CPT1A: variants seen among roughly 807,000 people sequenced by gnomAD.
The protein encoded by CPT1A is carnitine O-palmitoyltransferase 1, liver isoform.
CPT1A carries 64 observed loss-of-function variants against 100.8 expected under a neutral mutation model. The ratio of observed to expected loss-of-function variants is 0.63; its 90% CI spans 0.52 to 0.78. The LOEUF is 0.78. Among genes scored for constraint, CPT1A ranks in the 30% least tolerant of loss-of-function variants. The pLI, the probability that CPT1A is intolerant of heterozygous loss-of-function variation, is 0.00. For synonymous variants in CPT1A, 363 were observed against 396.0 expected (o/e 0.92, Z 0.99); for missense variants, 802 against 1,034.1 (o/e 0.78, Z 3.08).
chr11:68,828,348 G>A (rs1282255940), intron 1 of CPT1A, among the ~76,000 whole-genome samples: 2 of 152,188 alleles, frequency 1.3e-5, no homozygotes, highest in Non-Finnish European at 1.5e-5. Context: ...TGTTCCTTCC[G>A]CTTCTGTGTG....
intron 10 of CPT1A, among the ~76,000 whole-genome samples, chr11:68,783,145 C>T (rs2924680): frequency 1.4e-3 from 207 of 152,220 alleles, no homozygotes; most frequent in African/African-American, 4.5e-3. Flanking sequence ...TCCTCCATCC[C>T]GCTCCTGCTC....
At chr11:68,796,831 C>G in intron 7 of CPT1A, 25 bp downstream of exon 7, 1 of 1,611,768 alleles carries the variant, frequency 6.2e-7, no homozygotes, top group East Asian at 2.2e-5. Flanking sequence ...CCTCGTCAGA[C>G]AGCAGCCCGG....
Position 68,812,476 on chromosome 11 carries a change from A to G in CPT1A, c.242T>C (p.Leu81Ser). 6.2e-7 allele frequency: 1 copy of G among 1,614,210 alleles called. No homozygotes were observed. The highest frequency in any genetic ancestry group is 8.5e-7 in the Non-Finnish European group (1 of 1,180,044). ...CCGATTGATTTTTGCAATTATTCCT[A>G]ACGAGGGGTCGATCTTGGCGTACAT... ...TTMYAKIDPS[L>S]GIIAKINRTL... Residue 81 changes from leucine to serine, a missense_variant, in exon 3 of 19, where the codon TTA becomes TCA. Coordinates refer to ENST00000265641, the MANE Select transcript of CPT1A (RefSeq NM_001876.4).
chr11:68,799,349 G>A lies in CPT1A; in HGVS notation c.562C>T (p.Gln188Ter). 2 of 1,613,612 alleles carry A rather than the reference G, an allele frequency of 1.2e-6. No homozygotes were observed. Among genetic ancestry groups the A allele is most frequent in the Non-Finnish European group, 1.7e-6 (2 of 1,179,794 alleles). The change falls in exon 6 of 19, where the codon CAG (glutamine) becomes TAG (stop). Residue 188 changes from glutamine (Q) to a stop codon, truncating the protein, a stop_gained. Coordinates refer to ENST00000265641, the MANE Select transcript of CPT1A (RefSeq NM_001876.4). LOFTEE classifies it high-confidence loss of function. Reference protein sequence around the residue: ...AVKDTVNRYLQSVRPLMKEED... With the variant: ...AVKDTVNRYL ...TCCTTCATAAGAGGCCTCACCGACT[G>A]TAGATACTGGGATTATTGGGGGAAA... is the stretch of plus-strand genomic sequence containing the variant.
At chr11:68,776,643 C>G (rs2153997241) in intron 12 of CPT1A, among the ~76,000 whole-genome samples, 1 of 152,264 alleles carries the variant, frequency 6.6e-6, no homozygotes, top group East Asian at 1.9e-4. Context: ...CTTTGGGAGG[C>G]CAAGGCGGGT....
intron 9 of CPT1A, among the ~76,000 whole-genome samples, chr11:68,790,938 C>T (rs914317626): frequency 1.3e-5 from 2 of 152,148 alleles, no homozygotes; most frequent in African/African-American, 4.8e-5. Context: ...ATCCTCCTAC[C>T]TCTGCCTCCT....
rs779893091 is a variant in CPT1A at position 68,796,900 on chromosome 11, G to T, written c.727C>A (p.Arg243=). The change falls in exon 7 of 19, where the codon CGA becomes AGA. Residue 243 remains arginine (R), a synonymous_variant. Coordinates refer to ENST00000265641, the MANE Select transcript of CPT1A (RefSeq NM_001876.4). ...TTCACCATGAGCGGCCCTCGTCCTC[G>T]GAGGTAGATGTACTCCTCCCACCAG... The part of the protein sequence containing the change: ...SDWWEEYIYL[R]GRGPLMVNSN... The T allele has an allele frequency of 6.2e-7, 1 of 1,614,056 alleles. No individual in the cohort carries two copies. Among genetic ancestry groups the T allele is most frequent in the African/African-American group, 1.3e-5 (1 of 75,024 alleles).
chr11:68,820,432 C>T (rs1856551792), intron 1 of CPT1A, among the ~76,000 whole-genome samples: 2 of 151,954 alleles, frequency 1.3e-5, no homozygotes, highest in Non-Finnish European at 2.9e-5. Flanking sequence ...CCTGTAATCC[C>T]AGCACTTTGG....
At chr11:68,762,107 T>C (rs1395372036) in intron 15 of CPT1A, among the ~76,000 whole-genome samples, 2 of 152,196 alleles carry the variant, frequency 1.3e-5, no homozygotes, top group Non-Finnish European at 2.9e-5. Context: ...GCTGAATTCA[T>C]CTAGGCCTCT....
intron 2 of CPT1A, among the ~76,000 whole-genome samples, chr11:68,815,099 G>A (rs891201900): frequency 1.9e-4 from 29 of 152,054 alleles, no homozygotes; most frequent in African/African-American, 7.0e-4. Context: ...TTTAAGCCTC[G>A]ATTTCCCAGC....
chr11:68,812,600 G>A (rs1333381383), intron 2 of CPT1A, 24 bp from the exon 3 acceptor site: 10 of 1,613,836 alleles, frequency 6.2e-6, no homozygotes, highest in Non-Finnish European at 8.5e-6. Flanking sequence ...CCCGGGCCGT[G>A]AGCGGTGTCC....
intron 9 of CPT1A, among the ~76,000 whole-genome samples, chr11:68,790,091 G>C (rs1459688501): frequency 6.6e-6 from 1 of 151,724 alleles, no homozygotes; most frequent in Non-Finnish European, 1.5e-5. Flanking sequence ...TTTTGAGACA[G>C]GGTCTCATTC....
At chr11:68,824,202 C>T (rs991368310) in intron 1 of CPT1A, among the ~76,000 whole-genome samples, 2 of 145,652 alleles carry the variant, frequency 1.4e-5, no homozygotes, top group African/African-American at 5.1e-5. Flanking sequence ...GAGCTGAGAT[C>T]GGGCCACTGC....
intron 12 of CPT1A, among the ~76,000 whole-genome samples, chr11:68,778,632 G>C (rs561528603): frequency 6.6e-6 from 1 of 151,584 alleles, no homozygotes; most frequent in African/African-American, 2.4e-5. Flanking sequence ...GGAGGCAGAG[G>C]TGGCAGTGAG....
chr11:68,831,985 T>C (rs1156252537), intron 1 of CPT1A, among the ~76,000 whole-genome samples: 2 of 152,146 alleles, frequency 1.3e-5, no homozygotes, highest in Non-Finnish European at 2.9e-5. Context: ...ATGTGACCCA[T>C]ATATATTTTT....
chr11:68,792,396 A>G (rs1327242640), intron 9 of CPT1A, among the ~76,000 whole-genome samples: 1 of 152,188 alleles, frequency 6.6e-6, no homozygotes, highest in Non-Finnish European at 1.5e-5. Context: ...CAGCTTCCCA[A>G]GCAGCCCCGA....
intron 14 of CPT1A, among the ~76,000 whole-genome samples, chr11:68,772,033 C>T (rs371913601): frequency 2.6e-5 from 4 of 152,194 alleles, no homozygotes; most frequent in African/African-American, 7.2e-5. Flanking sequence ...CAGTGCCACA[C>T]GCTGCATATG....
chr11:68,774,216 C>T (rs571301537), intron 13 of CPT1A, among the ~76,000 whole-genome samples: 1 of 152,274 alleles, frequency 6.6e-6, no homozygotes, highest in Admixed American at 6.5e-5. Context: ...TAAACTTGGT[C>T]TCTCCTGCCT....
chr11:68,783,444 C>A (rs975862744), intron 10 of CPT1A, among the ~76,000 whole-genome samples: 4 of 152,172 alleles, frequency 2.6e-5, no homozygotes, highest in Non-Finnish European at 4.4e-5. Context: ...GGCTCCACCC[C>A]CTGGACACCC....
Sources: gnomAD v4.1 joint callset for allele counts (sites outside exome capture counted in the v4.1 genomes callset) on GRCh38, gnomAD v4.1.1 for gene constraint, MANE v1.5 for transcripts, NCBI Gene and HGNC (gene_info 2026-07-23, HGNC 2026-07-21) for gene names.